The following PNKD variants were observed in gnomAD, a reference collection of about 807,000 sequenced individuals.
PNKD encodes the protein PNKD metallo-beta-lactamase domain containing, also known as probable thioesterase PNKD.
PNKD carries 36 observed loss-of-function variants against 45.3 expected under a neutral mutation model. The observed-to-expected ratio is 0.80, with a 90% confidence interval of 0.61 to 1.05. PNKD has a LOEUF of 1.05. Ranked by LOEUF, PNKD falls within the 50% of genes least tolerant of loss-of-function variation. The pLI is 0.00. For synonymous variants in PNKD, 197 were observed against 210.1 expected, an observed-to-expected ratio of 0.94 and a Z score of 0.54; for missense variants, 511 against 506.6, an observed-to-expected ratio of 1.01 and a Z score of -0.08.
At chr2:218,277,255 G>A (rs1053230639) in intron 2 of PNKD, 35 of 1,181,326 alleles carry the variant, frequency 3.0e-5, no homozygotes, top group Admixed American at 6.8e-5. Flanking sequence ...TTGTAGGTGC[G>A]GATGAGGAGA....
intron 2 of PNKD, among the ~76,000 whole-genome samples, chr2:218,323,853 A>G (rs1694066333): frequency 6.6e-6 from 1 of 152,128 alleles, no homozygotes; most frequent in African/African-American, 2.4e-5. Flanking sequence ...AATGCCTCCC[A>G]CCGTCTGACA....
intron 2 of PNKD, among the ~76,000 whole-genome samples, chr2:218,321,937 T>C (rs1255309479): frequency 9.3e-5 from 2 of 21,494 alleles, no homozygotes; most frequent in African/African-American, 2.8e-4. Context: ...CTTGACTCTT[T>C]TTTTTTTTTT....
intron 7 of PNKD, among the ~76,000 whole-genome samples, chr2:218,342,617 T>A (rs2106296236): frequency 6.6e-6 from 1 of 152,130 alleles, no homozygotes; most frequent in African/African-American, 2.4e-5. Flanking sequence ...GGAGAACTGC[T>A]TGAACCCGAG....
chr2:218,288,157 G>A (rs1692665974), intron 2 of PNKD, among the ~76,000 whole-genome samples: 1 of 152,344 alleles, frequency 6.6e-6, no homozygotes, highest in South Asian at 2.1e-4. Context: ...GGCCAGGCAT[G>A]GCGGCTCACG....
At chr2:218,306,615 A>T (rs1445834723) in intron 2 of PNKD, among the ~76,000 whole-genome samples, 1 of 152,154 alleles carries the variant, frequency 6.6e-6, no homozygotes, top group African/African-American at 2.4e-5. Context: ...CAGAGTTCCT[A>T]GTGGAGCCAG....
At chr2:218,294,765 A>G (rs1450190663) in intron 2 of PNKD, among the ~76,000 whole-genome samples, 1 of 152,224 alleles carries the variant, frequency 6.6e-6, no homozygotes, top group Non-Finnish European at 1.5e-5. Context: ...GGCGTGAGCC[A>G]CTGCACCTGG....
intron 2 of PNKD, among the ~76,000 whole-genome samples, chr2:218,337,534 T>C (rs1694533250): frequency 6.6e-6 from 1 of 152,230 alleles, no homozygotes; most frequent in African/African-American, 2.4e-5. Context: ...CAAGAAAGGA[T>C]GCAGCAGAGT....
chr2:218,308,961 T>TCCTC (rs1241106542), intron 2 of PNKD, among the ~76,000 whole-genome samples: 2 of 152,016 alleles, frequency 1.3e-5, no homozygotes, highest in East Asian at 3.9e-4. Flanking sequence ...CTTCCTTCCT[T>TCCTC]CCTCTTTCTG....
chr2:218,296,869 G>A (rs924891249), intron 2 of PNKD, among the ~76,000 whole-genome samples: 3 of 152,214 alleles, frequency 2.0e-5, no homozygotes, highest in East Asian at 1.9e-4. Flanking sequence ...GTAGAAACAG[G>A]GTTTTGCCAC....
At chr2:218,327,919 G>A (rs1243821847) in intron 2 of PNKD, 2 of 139,728 alleles carry the variant, frequency 1.4e-5, no homozygotes, top group East Asian at 2.1e-4. Context: ...CCAAGATTGC[G>A]CTATTGCACT....
chr2:218,301,311 T>C (rs1231878744), intron 2 of PNKD, among the ~76,000 whole-genome samples: 1 of 152,188 alleles, frequency 6.6e-6, no homozygotes, highest in African/African-American at 2.4e-5. Context: ...GGTCAGGGTC[T>C]AGATCGTAAT....
Position 218,275,920 on chromosome 2 carries a change from A to G in PNKD, c.236+4371A>G, listed in dbSNP as rs974282773. On this transcript the variant is annotated intron_variant, in intron 2 of 9. Coordinates refer to ENST00000273077, the MANE Select transcript of PNKD (RefSeq NM_015488.5). ...ACAGTAGTGAGAGGAATGGCCTGCT[A>G]TGGCCCCATTCCCTGCCTCCCAGGC... The G allele has an allele frequency of 6.0e-6, 8 of 1,328,646 alleles. 1 individual carries two copies. Among genetic ancestry groups the G allele is most frequent in the Middle Eastern group, 3.6e-4 (2 of 5,516 alleles). The allele number at this position is 1,328,646 out of a possible 1,614,324, so 82.3% of individuals were successfully genotyped here.
At chr2:218,315,449 G>A (rs554639819) in intron 2 of PNKD, among the ~76,000 whole-genome samples, 10 of 152,224 alleles carry the variant, frequency 6.6e-5, no homozygotes, top group Non-Finnish European at 1.2e-4. Context: ...GAGCCATGGC[G>A]CCCGGCCAAG....
At chr2:218,310,245 C>T (rs968164149) in intron 2 of PNKD, among the ~76,000 whole-genome samples, 3 of 152,202 alleles carry the variant, frequency 2.0e-5, no homozygotes, top group African/African-American at 4.8e-5. Context: ...TTTTTTGAGA[C>T]GGAATCTCAC....
At chr2:218,313,344 C>T (rs13014817) in intron 2 of PNKD, among the ~76,000 whole-genome samples, 52,865 of 151,998 alleles carry the variant, frequency 0.35, 9,700 homozygotes, top group Middle Eastern at 0.53. Context: ...CTCCTGACCT[C>T]AGGTGATCCA....
At chr2:218,286,463 G>C (rs1692516648) in intron 2 of PNKD, 1 of 152,130 alleles carries the variant, frequency 6.6e-6, no homozygotes, top group Non-Finnish European at 1.5e-5. Flanking sequence ...CCCTATCCTT[G>C]CCCATTATAG....
chr2:218,290,482 C>A (rs1692862634), intron 2 of PNKD, among the ~76,000 whole-genome samples: 1 of 152,188 alleles, frequency 6.6e-6, no homozygotes, highest in Non-Finnish European at 1.5e-5. Context: ...ACTAGACATG[C>A]CCTCTCACTC....
intron 2 of PNKD, among the ~76,000 whole-genome samples, chr2:218,336,228 A>AAAAAAAG (rs1553672785): frequency 6.7e-6 from 1 of 149,098 alleles, no homozygotes; most frequent in African/African-American, 2.5e-5. Flanking sequence ...AAAAAAAAAA[A>AAAAAAAG]GTTTGGAAAA....
At chr2:218,292,626 G>C (rs1693017619) in intron 2 of PNKD, 1 of 151,976 alleles carries the variant, frequency 6.6e-6, no homozygotes, top group Admixed American at 6.5e-5. Flanking sequence ...GGTCTGTCCC[G>C]GGCGCGCGCG....
Sources: gnomAD v4.1 joint callset for allele counts (sites outside exome capture counted in the v4.1 genomes callset) on GRCh38, gnomAD v4.1.1 for gene constraint, MANE v1.5 for transcripts, NCBI Gene and HGNC (gene_info 2026-07-23, HGNC 2026-07-21) for gene names.